HLF: variants seen among roughly 807,000 people sequenced by gnomAD.
HLF encodes hepatic leukemia factor.
A neutral mutation model predicts 22.6 loss-of-function variants in HLF; 3 were observed. The ratio of observed to expected loss-of-function variants is 0.13; its 90% CI spans 0.06 to 0.34. The LOEUF (loss-of-function observed/expected upper bound fraction) is 0.34. Among genes scored for constraint, HLF ranks in the 10% least tolerant of loss-of-function variants. The pLI is 1.00. For missense variants in HLF, 299 were observed against 389.2 expected (o/e 0.77, Z 1.95); for synonymous variants, 151 against 151.8 (o/e 0.99, Z 0.04).
intron 2 of HLF, among the ~76,000 whole-genome samples, chr17:55,282,071 C>T (rs954840425): frequency 1.4e-4 from 21 of 152,318 alleles, no homozygotes; most frequent in African/African-American, 4.3e-4. Flanking sequence ...TCATCCAGAA[C>T]ATGATGGCCT....
chr17:55,303,237 G>C (rs1659098391), intron 2 of HLF, among the ~76,000 whole-genome samples: 2 of 152,136 alleles, frequency 1.3e-5, no homozygotes, highest in African/African-American at 4.8e-5. Context: ...GGCTTGAAAT[G>C]GTCATCACAC....
intron 2 of HLF, among the ~76,000 whole-genome samples, chr17:55,275,836 T>C (rs139718967): frequency 2.0e-4 from 30 of 152,320 alleles, no homozygotes; most frequent in African/African-American, 2.6e-4. Context: ...AATGATACCA[T>C]GATTAGAAAA....
chr17:55,308,868 C>T (rs1198208267), intron 2 of HLF, among the ~76,000 whole-genome samples: 2 of 152,156 alleles, frequency 1.3e-5, no homozygotes, highest in African/African-American at 4.8e-5. Flanking sequence ...TGATCTTGGC[C>T]GGACTCACAT....
At chr17:55,300,577 A>G (rs2081148289) in intron 2 of HLF, among the ~76,000 whole-genome samples, 1 of 152,174 alleles carries the variant, frequency 6.6e-6, no homozygotes, top group South Asian at 2.1e-4. Flanking sequence ...AATATTCCCT[A>G]TTTCAGTGAA....
intron 2 of HLF, among the ~76,000 whole-genome samples, chr17:55,284,644 C>G (rs1403920475): frequency 6.6e-6 from 1 of 152,106 alleles, no homozygotes; most frequent in African/African-American, 2.4e-5. Context: ...TGACTTCTTC[C>G]AGGACCTTCT....
chr17:55,295,332 T>C (rs2081101971), intron 2 of HLF, among the ~76,000 whole-genome samples: 1 of 152,234 alleles, frequency 6.6e-6, no homozygotes, highest in Admixed American at 6.5e-5. Flanking sequence ...TCATTAAATA[T>C]GCACCAGTAA....
At chr17:55,265,746 C>T (rs1433997933) in intron 1 of HLF, 147 bp downstream of exon 1, 1 of 1,169,944 alleles carries the variant, frequency 8.5e-7, no homozygotes, top group Non-Finnish European at 1.1e-6. Flanking sequence ...AATTGAGGAG[C>T]TCACCCAGCA....
chr17:55,277,628 G>C lies in HLF; in HGVS notation c.451+9542G>C, dbSNP rs537820176. Among the ~76,000 whole-genome samples, 11 of 152,056 alleles carry C rather than the reference G, an allele frequency of 7.2e-5. No homozygotes were observed. In the South Asian group the frequency reaches 1.7e-3, roughly 23 times the overall value. The stretch of plus-strand genomic sequence containing the variant: ...ACATTGTGGGAGGGGATCGGATTGG[G>C]GGGGGTTGGACTGCTGAATGTCAAG... On this transcript the variant is annotated intron_variant, in intron 2 of 3. Coordinates refer to ENST00000226067, the MANE Select transcript of HLF (RefSeq NM_002126.5).
Position 55,324,808 on chromosome 17 carries a change from TGC to T in HLF, c.*3931_*3932del, listed in dbSNP as rs1555610639. 4.3e-5 allele frequency: 10 copies of T among 231,048 alleles called. No individual in the cohort carries two copies. The highest frequency in any genetic ancestry group is 6.9e-5 in the Non-Finnish European group (8 of 116,482). The allele number at this position is 231,048 out of a possible 1,614,324, so 14.3% of individuals were successfully genotyped here. A position where few individuals can be genotyped will look rare whatever the true frequency, so the allele number is the denominator to read the frequency against. ...GTGTAAGAGTGTGTGTGTGTGTGTGTGCGTGCATGTGTGTGTGTGTGTATGTG... is the reference window on the plus strand; with the variant it reads ...GTGTAAGAGTGTGTGTGTGTGTGTGTGTGCATGTGTGTGTGTGTGTATGTG... On this transcript the variant is annotated 3_prime_UTR_variant, in exon 4 of 4. Coordinates refer to ENST00000226067, the MANE Select transcript of HLF (RefSeq NM_002126.5).
intron 2 of HLF, among the ~76,000 whole-genome samples, chr17:55,305,262 A>C (rs182600987): frequency 7.2e-5 from 11 of 152,352 alleles, no homozygotes; most frequent in African/African-American, 2.6e-4. Context: ...CCTGTGGGTC[A>C]ACAGTTGCTT....
chr17:55,290,420 C>A (rs2081050438), intron 2 of HLF, among the ~76,000 whole-genome samples: 1 of 152,136 alleles, frequency 6.6e-6, no homozygotes. Flanking sequence ...GTGGTTCTAG[C>A]AATATTTCAA....
In HLF at chr17:55,265,340, A is replaced by G; in HGVS notation, c.-145A>G. On this transcript the variant is annotated 5_prime_UTR_variant, in exon 1 of 4. Transcript: ENST00000226067. Reference sequence around the variant, plus strand: ...ATGCAGATGTATTTATAAAGATATAAGTAATTTTTTTCTTCCCTTTTCTCC... The same window carrying G: ...ATGCAGATGTATTTATAAAGATATAGGTAATTTTTTTCTTCCCTTTTCTCC... The G allele has an allele frequency of 3.3e-6, 2 of 605,152 alleles. No individual in the cohort carries two copies. Among genetic ancestry groups the G allele is most frequent in the Non-Finnish European group, 2.9e-6 (1 of 343,762 alleles). 37.5% of individuals were successfully genotyped at this position (605,152 alleles called of 1,614,324 possible). A position where few individuals can be genotyped will look rare whatever the true frequency, so the allele number is the denominator to read the frequency against.
At chr17:55,288,513 G>A (rs1012546106) in intron 2 of HLF, among the ~76,000 whole-genome samples, 7 of 151,964 alleles carry the variant, frequency 4.6e-5, no homozygotes, top group Non-Finnish European at 8.8e-5. Flanking sequence ...CTATAATCCC[G>A]GCACTTTGGG....
At chr17:55,299,037 A>G (rs186408352) in intron 2 of HLF, among the ~76,000 whole-genome samples, 1 of 152,344 alleles carries the variant, frequency 6.6e-6, no homozygotes, top group African/African-American at 2.4e-5. Context: ...AAAGGTATAT[A>G]TCAGTTGGTC....
At chr17:55,278,226 A>C (rs1207214506) in intron 2 of HLF, among the ~76,000 whole-genome samples, 1 of 152,260 alleles carries the variant, frequency 6.6e-6, no homozygotes, top group Non-Finnish European at 1.5e-5. Context: ...TGCATGCTAC[A>C]GAAAGATGCT....
At chr17:55,319,708 G>T (rs1905196881) in intron 3 of HLF, among the ~76,000 whole-genome samples, 1 of 151,996 alleles carries the variant, frequency 6.6e-6, no homozygotes, top group South Asian at 2.1e-4. Context: ...TTGATTAGCG[G>T]CAGGTTGAAG....
chr17:55,272,104 A>G (rs2080864059), intron 2 of HLF: 1 of 152,244 alleles, frequency 6.6e-6, no homozygotes, highest in Admixed American at 6.5e-5. Context: ...CGGTCATCCA[A>G]GGTGCAGTGT....
chr17:55,289,100 T>A, intron 2 of HLF: 1 of 191,348 alleles, frequency 5.2e-6, no homozygotes, highest in African/African-American at 2.4e-5. Context: ...AGAATGCCTC[T>A]TCTCTCCATG....
At chr17:55,272,411 G>T (rs2047045740) in intron 2 of HLF, 1 of 152,162 alleles carries the variant, frequency 6.6e-6, no homozygotes, top group African/African-American at 2.4e-5. Flanking sequence ...TTGAATAGCT[G>T]GGGGGTGTCC....
Sources: gnomAD v4.1 joint callset for allele counts (sites outside exome capture counted in the v4.1 genomes callset) on GRCh38, gnomAD v4.1.1 for gene constraint, MANE v1.5 for transcripts, NCBI Gene and HGNC (gene_info 2026-07-23, HGNC 2026-07-21) for gene names.